RAPH1: variants seen among roughly 807,000 people sequenced by gnomAD.
RAPH1 encodes ras-associated and pleckstrin homology domains-containing protein 1.
Under a neutral mutation model 88.1 loss-of-function variants are expected in RAPH1, and 18 were observed. The ratio of observed to expected loss-of-function variants is 0.20; its 90% CI spans 0.14 to 0.30. The LOEUF (loss-of-function observed/expected upper bound fraction) is 0.30, where lower values mean the gene tolerates loss of function less well. RAPH1 is among the 10% of genes least tolerant of loss of function. The pLI is 1.00. For missense variants in RAPH1, 1,448 were observed against 1,543.2 expected, an observed-to-expected ratio of 0.94 and a Z score of 1.03; for synonymous variants, 587 against 559.0, an observed-to-expected ratio of 1.05 and a Z score of -0.71.
chr2:203,440,689 G>C lies in RAPH1; in HGVS notation c.2501C>G (p.Pro834Arg). The change falls in exon 14 of 14, where the codon CCA becomes CGA. Residue 834 changes from proline to arginine, a missense_variant. Pro to Arg is a moderately radical substitution (Grantham distance 103, BLOSUM62 -2). Coordinates refer to ENST00000319170, the MANE Select transcript of RAPH1 (RefSeq NM_213589.3). ...CTTGGGTAATGTTGGCGGGGGTACT[G>C]GAACAGGAGGGGTAGGGGGAGAGGG... is the stretch of plus-strand genomic sequence containing the variant. ...IPPSPPTPPV[P>R]VPPPTLPKQQ... 6.3e-7 allele frequency: 1 copy of C among 1,587,672 alleles called. No homozygotes were observed. The highest frequency in any genetic ancestry group is 8.6e-7 in the Non-Finnish European group (1 of 1,166,674).
At chr2:203,531,810 C>G (rs1257931463) in intron 1 of RAPH1, among the ~76,000 whole-genome samples, 1 of 152,164 alleles carries the variant, frequency 6.6e-6, no homozygotes, top group East Asian at 1.9e-4. Flanking sequence ...AATGGTGCAG[C>G]TGCTGTGGAA....
intron 4 of RAPH1, among the ~76,000 whole-genome samples, chr2:203,473,684 A>T (rs755010368): frequency 2.9e-4 from 44 of 152,246 alleles, no homozygotes; most frequent in Non-Finnish European, 5.1e-4. Context: ...TTAAAAAAAA[A>T]TTATGGTTTG....
rs2098497449 is a variant in RAPH1, at chr2:203,435,197, T to C, written c.*4240A>G. ...GCACGGTAAGAACTGAGCACTTGTT[T>C]TATTTGAGGGATAAAGGTGTAGAAA... On this transcript the variant is annotated 3_prime_UTR_variant, in exon 14 of 14. Transcript: ENST00000319170. 6.6e-6 allele frequency: 1 copy of C among 152,156 alleles called. No individual in the cohort carries two copies. Among genetic ancestry groups the C allele is most frequent in the Non-Finnish European group, 1.5e-5 (1 of 68,030 alleles). 9.4% of individuals were successfully genotyped at this position (152,156 alleles called of 1,614,324 possible).
intron 2 of RAPH1, among the ~76,000 whole-genome samples, chr2:203,491,835 T>C (rs1005799232): frequency 1.3e-5 from 2 of 152,246 alleles, no homozygotes; most frequent in African/African-American, 4.8e-5. Context: ...GCACTTGAGA[T>C]TGTCATAGTT....
chr2:203,529,555 G>T (rs1581420072), intron 1 of RAPH1, among the ~76,000 whole-genome samples: 1 of 151,992 alleles, frequency 6.6e-6, no homozygotes, highest in African/African-American at 2.4e-5. Flanking sequence ...TAGAGATGGG[G>T]TTTCTCTATG....
chr2:203,441,797 G>C (rs1581246556), intron 13 of RAPH1: 5 of 1,286,552 alleles, frequency 3.9e-6, no homozygotes, highest in Non-Finnish European at 4.9e-6. Flanking sequence ...GGACTTCCAA[G>C]GGGAGATGTG....
At position 203,438,270 on chromosome 2, in the gene RAPH1, C is replaced by T. The variant is rs1255768149; in HGVS notation, c.*1167G>A. 2.1e-6 allele frequency: 1 copy of T among 470,880 alleles called. No homozygotes were observed. Among genetic ancestry groups the T allele is most frequent in the African/African-American group, 2.0e-5 (1 of 50,616 alleles). The allele number at this position is 470,880 out of a possible 1,614,324, so 29.2% of individuals were successfully genotyped here. A position where few individuals can be genotyped will look rare whatever the true frequency, so the allele number is the denominator to read the frequency against. ...GAGCTTTTTGTATTACATATTATAACCCATATACAACCAGATTAATGACAC... is the reference window on the plus strand; with the variant it reads ...GAGCTTTTTGTATTACATATTATAATCCATATACAACCAGATTAATGACAC... On this transcript the variant is annotated 3_prime_UTR_variant, in exon 14 of 14. Transcript: ENST00000319170.
chr2:203,521,931 A>C (rs1370749169), intron 1 of RAPH1, among the ~76,000 whole-genome samples: 1 of 152,158 alleles, frequency 6.6e-6, no homozygotes, highest in Non-Finnish European at 1.5e-5. Flanking sequence ...TCTGTGTTGC[A>C]TATTTCCATT....
intron 12 of RAPH1, chr2:203,447,362 G>T (rs927165925): frequency 6.6e-6 from 1 of 152,072 alleles, no homozygotes; most frequent in Non-Finnish European, 1.5e-5. Flanking sequence ...ACTAGGAAAT[G>T]TATGTGTATA....
intron 12 of RAPH1, chr2:203,447,451 ATTTC>A (rs1313105805): frequency 1.3e-5 from 2 of 152,522 alleles, no homozygotes; most frequent in African/African-American, 4.8e-5. Context: ...TAAAGTTATT[ATTTC>A]TTTCATCACA....
chr2:203,509,066 AT>A (rs34628795), intron 1 of RAPH1, among the ~76,000 whole-genome samples: 53,849 of 120,426 alleles, frequency 0.45, 12,306 homozygotes, highest in Middle Eastern at 0.64. Context: ...TTAAAAAATA[AT>A]TTTTTTTTTT....
At chr2:203,450,970 ATC>A (rs2098514380) in intron 10 of RAPH1, among the ~76,000 whole-genome samples, 1 of 151,492 alleles carries the variant, frequency 6.6e-6, no homozygotes, top group Non-Finnish European at 1.5e-5. Flanking sequence ...TGTTCTCCTC[ATC>A]TCTCTAACCT....
At chr2:203,525,209 G>A (rs890347752) in intron 1 of RAPH1, among the ~76,000 whole-genome samples, 2 of 151,976 alleles carry the variant, frequency 1.3e-5, no homozygotes, top group Non-Finnish European at 2.9e-5. Flanking sequence ...TTTTTGAGAC[G>A]GAGTCTCGCT....
In RAPH1 at chr2:203,439,797, G is replaced by T. The variant is rs2098501578; in HGVS notation, c.3393C>A (p.Thr1131=). Residue 1131 remains threonine (T), a synonymous_variant, in exon 14 of 14, where the codon ACC becomes ACA. Transcript: ENST00000319170. The part of the protein sequence containing the change: ...PPTRPKRNDS[T]RLTQAEISEQ... ...CAGAAATCTCAGCTTGAGTGAGGCG[G>T]GTGCTATCATTCCGTTTGGGTCGTG... is the stretch of plus-strand genomic sequence containing the variant. The T allele has an allele frequency of 1.2e-6, 2 of 1,614,116 alleles. No individual in the cohort carries two copies. The highest frequency in any genetic ancestry group is 4.5e-5 in the East Asian group (2 of 44,880).
intron 4 of RAPH1, among the ~76,000 whole-genome samples, chr2:203,464,772 AAAAG>A (rs1055137907): frequency 5.3e-5 from 8 of 150,748 alleles, no homozygotes; most frequent in Non-Finnish European, 7.4e-5. Flanking sequence ...GTTATAAAAA[AAAAG>A]AGAGAGAGAG....
intron 6 of RAPH1, among the ~76,000 whole-genome samples, chr2:203,460,934 T>A (rs920935410): frequency 6.6e-6 from 1 of 150,628 alleles, no homozygotes; most frequent in African/African-American, 2.4e-5. Flanking sequence ...GGCCAACAGG[T>A]GAAACCCCAT....
intron 6 of RAPH1, among the ~76,000 whole-genome samples, chr2:203,460,422 C>G (rs754968958): frequency 6.6e-6 from 1 of 152,050 alleles, no homozygotes; most frequent in African/African-American, 2.4e-5. Flanking sequence ...TTCTTTGATC[C>G]ATGACTGTTG....
chr2:203,467,843 C>T (rs1351773283), intron 4 of RAPH1, among the ~76,000 whole-genome samples: 1 of 151,952 alleles, frequency 6.6e-6, no homozygotes, highest in Non-Finnish European at 1.5e-5. Flanking sequence ...TCATGGCTCA[C>T]TGCAGCCTCG....
At chr2:203,492,474 T>C (rs778366381) in intron 2 of RAPH1, among the ~76,000 whole-genome samples, 9 of 152,166 alleles carry the variant, frequency 5.9e-5, no homozygotes, top group Non-Finnish European at 1.2e-4. Flanking sequence ...GGAGGGCAAA[T>C]TGCAACCCAG....
Sources: allele counts gnomAD v4.1 joint callset (sites outside exome capture counted in the v4.1 genomes callset), GRCh38; gene constraint gnomAD v4.1.1; transcripts MANE v1.5; gene names NCBI Gene and HGNC (gene_info 2026-07-23, HGNC 2026-07-21).